Variants in CHDH observed in about 807,000 individuals in gnomAD.
CHDH encodes the protein choline dehydrogenase.
A neutral mutation model predicts 56.9 loss-of-function variants in CHDH; 43 were observed. The observed-to-expected ratio is 0.76, with a 90% confidence interval of 0.59 to 0.97. CHDH has a LOEUF of 0.97. CHDH is among the 50% of genes least tolerant of loss of function. The pLI, the probability that CHDH is intolerant of heterozygous loss-of-function variation, is 0.00. For synonymous variants in CHDH, 364 were observed against 348.5 expected (o/e 1.04, Z -0.50); for missense variants, 816 against 821.1 (o/e 0.99, Z 0.08).
At chr3:53,822,834 G>A (rs949647424) in intron 3 of CHDH, among the ~76,000 whole-genome samples, 192 bp from the exon 4 acceptor site, 35 of 152,314 alleles carry the variant, frequency 2.3e-4, no homozygotes, top group Middle Eastern at 3.4e-3. Flanking sequence ...GGGGTCCCCT[G>A]GAGGCAGGTG....
At chr3:53,839,748 G>C (rs965148577) in intron 2 of CHDH, among the ~76,000 whole-genome samples, 6 of 152,326 alleles carry the variant, frequency 3.9e-5, no homozygotes, top group African/African-American at 1.4e-4. Flanking sequence ...ATATCAAAGA[G>C]ATATCTGCAC....
intron 1 of CHDH, among the ~76,000 whole-genome samples, chr3:53,843,799 C>G (rs915312329): frequency 5.9e-5 from 9 of 152,262 alleles, no homozygotes; most frequent in Admixed American, 3.9e-4. Context: ...CTCTCATAGA[C>G]TCAAATCACT....
intron 1 of CHDH, among the ~76,000 whole-genome samples, chr3:53,842,663 CT>C (rs1262798297): frequency 6.6e-6 from 1 of 152,196 alleles, no homozygotes; most frequent in Non-Finnish European, 1.5e-5. Context: ...GAGTTAACAC[CT>C]AGCCTGAGTC....
rs992971570 is a variant in CHDH, at chr3:53,816,032, CAA to C, written c.*1743_*1744del. 1.3e-5 allele frequency: 2 copies of C among 151,858 alleles called. No individual in the cohort carries two copies. The highest frequency in any genetic ancestry group is 4.9e-5 in the African/African-American group (2 of 41,232). The allele number at this position is 151,858 out of a possible 1,614,324, so 9.4% of individuals were successfully genotyped here. On this transcript the variant is annotated 3_prime_UTR_variant, in exon 9 of 9. Coordinates refer to ENST00000315251, the MANE Select transcript of CHDH (RefSeq NM_018397.5). ...TTTAAAAAATACAGGTAAGATTAAA[CAA>C]GAGCTGCTTAAGATTTTTAAAAGGA...
At chr3:53,832,710 T>C (rs1698376347) in intron 2 of CHDH, among the ~76,000 whole-genome samples, 1 of 152,012 alleles carries the variant, frequency 6.6e-6, no homozygotes, top group African/African-American at 2.4e-5. Flanking sequence ...AGGACAAATA[T>C]TGTATGATTC....
In CHDH at chr3:53,814,019, T is replaced by C. The variant is rs563909848; in HGVS notation, c.*3758A>G. The C allele has an allele frequency of 4.6e-5, 7 of 152,254 alleles. No individual in the cohort carries two copies. The East Asian group carries it at 1.4e-3, about 29-fold the overall frequency. The allele number at this position is 152,254 out of a possible 1,614,324, so 9.4% of individuals were successfully genotyped here. ...CAGACAGCTGGATCTCGCTTCACCATGTGGCACTTTCCAGCTCTATCCTAC... is the reference window on the plus strand; with the variant it reads ...CAGACAGCTGGATCTCGCTTCACCACGTGGCACTTTCCAGCTCTATCCTAC... On this transcript the variant is annotated 3_prime_UTR_variant, in exon 9 of 9. Transcript: ENST00000315251.
chr3:53,820,352 C>T, intron 6 of CHDH, 122 bp downstream of exon 6: 1 of 1,220,080 alleles, frequency 8.2e-7, no homozygotes, highest in Non-Finnish European at 1.1e-6. Flanking sequence ...AGGCTCAGGG[C>T]TAAGGTAAAT....
Position 53,819,850 on chromosome 3 carries a change from A to AG in CHDH, c.1121-177dup. On this transcript the variant is annotated intron_variant, in intron 6 of 8. Coordinates refer to ENST00000315251, the MANE Select transcript of CHDH (RefSeq NM_018397.5). This position sits in a 1 kb window ranked among gnomAD's most constrained non-coding sequence, Gnocchi z 5.4. ...TTCACCCCTCACAGGGGGCTCACCC[A>AG]GCACCACACCATAAAATGTCAGCTA... 6.6e-6 allele frequency among the ~76,000 whole-genome samples: 1 copy of AG among 152,302 alleles called. No individual in the cohort carries two copies. The highest frequency in any genetic ancestry group is 1.5e-5 in the Non-Finnish European group (1 of 68,030).
At chr3:53,836,730 A>G (rs1025139611) in intron 2 of CHDH, among the ~76,000 whole-genome samples, 2 of 152,206 alleles carry the variant, frequency 1.3e-5, no homozygotes, top group East Asian at 3.8e-4. Context: ...CGTGGCCTAC[A>G]GCAAACCCAA....
intron 2 of CHDH, among the ~76,000 whole-genome samples, chr3:53,837,015 A>T (rs1698517303): frequency 6.6e-6 from 1 of 151,994 alleles, no homozygotes; most frequent in African/African-American, 2.4e-5. Flanking sequence ...AAACCCAGAA[A>T]TTTTTTCTAA....
In CHDH at chr3:53,821,739, G is replaced by T. The variant is rs761679537; in HGVS notation, c.893C>A (p.Ala298Asp). Residue 298 changes from alanine (A) to aspartate (D), a missense_variant, in exon 5 of 9, where the codon GCC (alanine) becomes GAC (aspartate). Coordinates refer to ENST00000315251, the MANE Select transcript of CHDH (RefSeq NM_018397.5). ...CATGAGCAGCTGTGGAGAGTTGATG[G>T]CACCTCCACTCAGAATCACCTCCTT... ...ASKEVILSGGAINSPQLLMLS... is the reference protein window; with the variant it reads ...ASKEVILSGGDINSPQLLMLS... The T allele has an allele frequency of 6.2e-7, 1 of 1,613,998 alleles. No individual in the cohort carries two copies. Among genetic ancestry groups the T allele is most frequent in the South Asian group, 1.1e-5 (1 of 91,076 alleles).
At chr3:53,823,268 G>T (rs773346014) in intron 3 of CHDH, 38 bp downstream of exon 3, 162 of 1,454,526 alleles carry the variant, frequency 1.1e-4, no homozygotes, top group Non-Finnish European at 1.4e-4. Context: ...CTGGGGTAGG[G>T]GGTAGTGCTT....
In CHDH at chr3:53,823,784, C is replaced by G; in HGVS notation, c.225G>C (p.Lys75Asn). ...GCCGCTTGCTCCCCGCGAGCACGTC[C>G]TTGGGCCCGGCCTCCAGCAGCAGCA... ...ERVLLLEAGPKDVLAGSKRLS... is the reference protein window; with the variant it reads ...ERVLLLEAGPNDVLAGSKRLS... Residue 75 changes from lysine to asparagine, a missense_variant, in exon 3 of 9, where the codon AAG (lysine) becomes AAC (asparagine). Transcript: ENST00000315251. 6.4e-7 allele frequency: 1 copy of G among 1,573,944 alleles called. No individual in the cohort carries two copies. The highest frequency in any genetic ancestry group is 1.2e-5 in the South Asian group (1 of 86,738).
chr3:53,840,371 T>A (rs888254129), intron 2 of CHDH, among the ~76,000 whole-genome samples: 2 of 151,788 alleles, frequency 1.3e-5, no homozygotes, highest in Non-Finnish European at 2.9e-5. Flanking sequence ...TACAAAAAAA[T>A]TTTTTTATTA....
intron 2 of CHDH, among the ~76,000 whole-genome samples, chr3:53,824,988 C>T (rs1035411041): frequency 2.0e-5 from 3 of 152,208 alleles, no homozygotes; most frequent in African/African-American, 4.8e-5. Context: ...TCTTTCTCCT[C>T]CTCCCGTCCA....
intron 1 of CHDH, among the ~76,000 whole-genome samples, chr3:53,841,747 T>C (rs1698675422): frequency 6.6e-6 from 1 of 152,220 alleles, no homozygotes; most frequent in East Asian, 1.9e-4. Context: ...GTGTAAGACA[T>C]CAACCTGCAC....
At chr3:53,830,284 A>C (rs571955472) in intron 2 of CHDH, among the ~76,000 whole-genome samples, 1 of 152,234 alleles carries the variant, frequency 6.6e-6, no homozygotes, top group Middle Eastern at 3.4e-3. Flanking sequence ...TGGTCAAAGA[A>C]ACCCCAGACA....
Position 53,819,541 on chromosome 3 carries a change from C to G in CHDH, c.1254G>C (p.Glu418Asp). 2 of 1,609,966 alleles carry G rather than the reference C, an allele frequency of 1.2e-6. No homozygotes were observed. Among genetic ancestry groups the G allele is most frequent in the Non-Finnish European group, 1.7e-6 (2 of 1,177,842 alleles). Reference protein sequence around the residue: ...IDHGRVPTQQEAYQVHVGPMR... With the variant: ...IDHGRVPTQQDAYQVHVGPMR... ...TCTTCCACCTGCTCACCTGGTAAGC[C>G]TCCTGCTGGGTGGGGACCCGCCCGT... The change falls in exon 7 of 9, where the codon GAG (glutamate) becomes GAC (aspartate). Residue 418 changes from glutamate to aspartate, a missense_variant. By Grantham distance (45) the Glu-to-Asp change is conservative (BLOSUM62 2). Transcript: ENST00000315251. The surrounding 1 kb of genome is among the most constrained non-coding windows in gnomAD (Gnocchi z 5.4).
intron 2 of CHDH, among the ~76,000 whole-genome samples, chr3:53,837,356 G>A (rs1010992347): frequency 5.9e-5 from 9 of 152,236 alleles, no homozygotes; most frequent in Non-Finnish European, 1.2e-4. Flanking sequence ...GGCCCCTTGT[G>A]CCCTGGCTGC....
Sources: allele counts gnomAD v4.1 joint callset (sites outside exome capture counted in the v4.1 genomes callset), GRCh38; gene constraint gnomAD v4.1.1; non-coding constraint Gnocchi (gnomAD v3.1); transcripts MANE v1.5; gene names NCBI Gene and HGNC (gene_info 2026-07-23, HGNC 2026-07-21).